The following LAPTM4A variants were observed in gnomAD, a reference collection of about 807,000 sequenced individuals.
The protein encoded by LAPTM4A is lysosomal protein transmembrane 4 alpha, also known as lysosomal-associated transmembrane protein 4A.
LAPTM4A carries 19 observed loss-of-function variants against 29.9 expected under a neutral mutation model. That is an observed-to-expected ratio of 0.64 (90% CI 0.44 to 0.93). The LOEUF is 0.93. Among genes scored for constraint, LAPTM4A ranks in the 40% least tolerant of loss-of-function variants. LAPTM4A has a pLI of 0.00. For missense variants in LAPTM4A, 293 were observed against 288.5 expected, an observed-to-expected ratio of 1.02 and a Z score of -0.11; for synonymous variants, 105 against 102.1, an observed-to-expected ratio of 1.03 and a Z score of -0.17.
At chr2:20,040,001 G>A (rs1027069916) in intron 2 of LAPTM4A, among the ~76,000 whole-genome samples, 10 of 151,936 alleles carry the variant, frequency 6.6e-5, no homozygotes, top group Non-Finnish European at 1.5e-4. Context: ...AGCCGAGATC[G>A]CACCACTGCA....
Position 20,037,371 on chromosome 2 carries a change from A to G in LAPTM4A, c.377T>C (p.Val126Ala). ...RLFDFVLSCL[V>A]AISSLTYLPR... is the part of the protein sequence containing the mutation. ...CAAATAGGTGAGAGAACTAATAGCA[A>G]CCAGGCAACTGAGGACGAAGTCAAA... Residue 126 changes from valine to alanine, a missense_variant, in exon 4 of 7, where the codon GTT becomes GCT. By Grantham distance (64) the Val-to-Ala change is moderately conservative. Coordinates refer to ENST00000175091, the MANE Select transcript of LAPTM4A (RefSeq NM_014713.5). 2 of 1,613,490 alleles carry G rather than the reference A, an allele frequency of 1.2e-6. No homozygotes were observed. The highest frequency in any genetic ancestry group is 1.7e-6 in the Non-Finnish European group (2 of 1,179,552).
Position 20,051,125 on chromosome 2 carries a change from C to G in LAPTM4A, c.111+285G>C, listed in dbSNP as rs549496793. 7.9e-5 allele frequency among the ~76,000 whole-genome samples: 12 copies of G among 152,342 alleles called. No homozygotes were observed. The South Asian group carries it at 2.3e-3, about 29-fold the overall frequency. On this transcript the variant is annotated intron_variant, in intron 1 of 6. Coordinates refer to ENST00000175091, the MANE Select transcript of LAPTM4A (RefSeq NM_014713.5). Reference sequence around the variant, plus strand: ...CCAAATCCTACCACCCTCGTCCCTTCGCCTGCAAAGCCTCTGCTCTCCCAA... The same window carrying G: ...CCAAATCCTACCACCCTCGTCCCTTGGCCTGCAAAGCCTCTGCTCTCCCAA...
chr2:20,042,363 C>T (rs1292628406), intron 1 of LAPTM4A, among the ~76,000 whole-genome samples: 1 of 152,226 alleles, frequency 6.6e-6, no homozygotes, highest in Non-Finnish European at 1.5e-5. Flanking sequence ...CCCACCTGTA[C>T]AGTTGGATTC....
chr2:20,041,696 G>A (rs2010789), intron 1 of LAPTM4A, among the ~76,000 whole-genome samples: 3 of 152,228 alleles, frequency 2.0e-5, no homozygotes, highest in Non-Finnish European at 2.9e-5. Context: ...GACCATACGC[G>A]GGTGATTTTT....
At chr2:20,051,373 G>A in intron 1 of LAPTM4A, 37 bp downstream of exon 1, 4 of 1,387,750 alleles carry the variant, frequency 2.9e-6, no homozygotes, top group Non-Finnish European at 4.1e-6. Context: ...CGCTCCCCAG[G>A]CCCCCCGGAC....
intron 5 of LAPTM4A, 121 bp from the exon 6 acceptor site, chr2:20,034,536 G>C (rs572857486): frequency 2.8e-6 from 2 of 718,324 alleles, no homozygotes; most frequent in East Asian, 5.3e-5. Context: ...GCTGACCTCT[G>C]TGTGGACCCA....
chr2:20,035,156 AG>A (rs1306871524), intron 4 of LAPTM4A, 94 bp from the exon 5 acceptor site: 3 of 786,684 alleles, frequency 3.8e-6, no homozygotes, highest in Non-Finnish European at 6.5e-6. Flanking sequence ...AAGGCACCAA[AG>A]TCAAAAGTGA....
intron 1 of LAPTM4A, among the ~76,000 whole-genome samples, chr2:20,046,879 G>C (rs966009013): frequency 6.8e-5 from 10 of 148,042 alleles, no homozygotes; most frequent in Admixed American, 4.1e-4. Flanking sequence ...ACCTGCCTTG[G>C]CCTCCCAAAA....
At chr2:20,048,521 C>T (rs1673985321) in intron 1 of LAPTM4A, among the ~76,000 whole-genome samples, 1 of 152,204 alleles carries the variant, frequency 6.6e-6, no homozygotes, top group Admixed American at 6.5e-5. Flanking sequence ...TGTTACGATA[C>T]TTTAACACTA....
At chr2:20,037,799 T>C (rs1417724847) in intron 2 of LAPTM4A, among the ~76,000 whole-genome samples, 185 bp from the exon 3 acceptor site, 1 of 150,496 alleles carries the variant, frequency 6.6e-6, no homozygotes, top group Admixed American at 6.6e-5. Flanking sequence ...TAAGGAACCT[T>C]GAGACATTCA....
In LAPTM4A at chr2:20,041,000, T is replaced by C. The variant is rs568968356; in HGVS notation, c.123A>G (p.Leu41=). 4 of 1,613,942 alleles carry C rather than the reference T, an allele frequency of 2.5e-6. No homozygotes were observed. The highest frequency in any genetic ancestry group is 3.4e-6 in the Non-Finnish European group (4 of 1,179,808). The change falls in exon 2 of 7, where the codon CTA becomes CTG. Residue 41 remains leucine, a synonymous_variant. Coordinates refer to ENST00000175091, the MANE Select transcript of LAPTM4A (RefSeq NM_014713.5). ...CCACAGTCAGCAAAATTGCCATCAA[T>C]AGGTTTACTACCTGGAAAAGATAAC... ...ILGTWYMVVN[L]LMAILLTVEV... is the part of the protein sequence containing the mutation.
At chr2:20,050,865 G>A (rs904195343) in intron 1 of LAPTM4A, among the ~76,000 whole-genome samples, 1 of 152,230 alleles carries the variant, frequency 6.6e-6, no homozygotes, top group African/African-American at 2.4e-5. Context: ...TTCTGGAGAT[G>A]CAAGAGAGGC....
intron 4 of LAPTM4A, among the ~76,000 whole-genome samples, chr2:20,036,898 C>G (rs1484340350): frequency 6.6e-6 from 1 of 152,192 alleles, no homozygotes; most frequent in Non-Finnish European, 1.5e-5. Context: ...TCGCAGTTAT[C>G]TTTATATCCA....
At chr2:20,037,689 T>C (rs1254969003) in intron 2 of LAPTM4A, 75 bp from the exon 3 acceptor site, 6 of 914,524 alleles carry the variant, frequency 6.6e-6, no homozygotes, top group African/African-American at 1.7e-5. Context: ...TAAAGCTAGC[T>C]TTAAAATATT....
At chr2:20,037,750 GTA>G in intron 2 of LAPTM4A, 136 bp from the exon 3 acceptor site, 1 of 411,382 alleles carries the variant, frequency 2.4e-6, no homozygotes, top group Non-Finnish European at 4.0e-6. Flanking sequence ...GGCCAAGAGG[GTA>G]AAAAAAAAAA....
intron 1 of LAPTM4A, among the ~76,000 whole-genome samples, chr2:20,042,515 A>T (rs1304109631): frequency 6.6e-6 from 1 of 152,252 alleles, no homozygotes; most frequent in East Asian, 1.9e-4. Context: ...TCAGCATGTA[A>T]TCAGTATTTC....
intron 1 of LAPTM4A, among the ~76,000 whole-genome samples, chr2:20,047,225 T>TA (rs1451897547): frequency 9.6e-5 from 14 of 145,530 alleles, no homozygotes; most frequent in African/African-American, 3.1e-4. Context: ...CCGTCTCTAC[T>TA]AAAATACAAA....
chr2:20,051,062 G>A (rs904247655), intron 1 of LAPTM4A, among the ~76,000 whole-genome samples: 2 of 152,126 alleles, frequency 1.3e-5, no homozygotes, highest in Non-Finnish European at 2.9e-5. Flanking sequence ...CTTTCAGATC[G>A]TAGAAATACA....
Position 20,051,502 on chromosome 2 carries a change from T to G in LAPTM4A, c.19A>C (p.Lys7Gln). 3 of 1,608,802 alleles carry G rather than the reference T, an allele frequency of 1.9e-6. No individual in the cohort carries two copies. Among genetic ancestry groups the G allele is most frequent in the Non-Finnish European group, 1.7e-6 (2 of 1,177,414 alleles). MVSMSF[K>Q]RNRSDRFYST... ...TAGAACCGGTCACTGCGGTTCCGCT[T>G]GAAACTCATGGACACCATCGTAACA... Residue 7 changes from lysine (K) to glutamine (Q), a missense_variant, in exon 1 of 7, where the codon AAG becomes CAG. Transcript: ENST00000175091.
Sources: gnomAD v4.1 joint callset for allele counts (sites outside exome capture counted in the v4.1 genomes callset) on GRCh38, gnomAD v4.1.1 for gene constraint, MANE v1.5 for transcripts, NCBI Gene and HGNC (gene_info 2026-07-23, HGNC 2026-07-21) for gene names.